Variants in HSPA4L observed in about 807,000 individuals in gnomAD.
HSPA4L encodes the protein heat shock protein family A (Hsp70) member 4 like.
Under a neutral mutation model 100.3 loss-of-function variants are expected in HSPA4L, and 48 were observed. The ratio of observed to expected loss-of-function variants is 0.48; its 90% CI spans 0.38 to 0.61. The LOEUF is 0.61. Ranked by LOEUF, HSPA4L falls within the 20% of genes least tolerant of loss-of-function variation. The pLI, the probability that HSPA4L is intolerant of heterozygous loss-of-function variation, is 0.00. For missense variants in HSPA4L, 886 were observed against 988.6 expected, an observed-to-expected ratio of 0.90 and a Z score of 1.39; for synonymous variants, 319 against 328.2, an observed-to-expected ratio of 0.97 and a Z score of 0.30.
intron 12 of HSPA4L, among the ~76,000 whole-genome samples, chr4:127,815,983 T>C (rs543015488): frequency 1.3e-5 from 2 of 152,292 alleles, no homozygotes; most frequent in East Asian, 1.9e-4. Context: ...GGCCTTCTTT[T>C]TCGTTGTTGT....
intron 11 of HSPA4L, among the ~76,000 whole-genome samples, chr4:127,810,937 G>A (rs936407512): frequency 2.6e-5 from 4 of 152,064 alleles, no homozygotes; most frequent in African/African-American, 9.7e-5. Flanking sequence ...TAAAACATCA[G>A]TAGATTTCTT....
intron 1 of HSPA4L, among the ~76,000 whole-genome samples, chr4:127,792,402 T>G (rs1005602494): frequency 6.6e-6 from 1 of 152,216 alleles, no homozygotes; most frequent in Non-Finnish European, 1.5e-5. Flanking sequence ...AGCTTTATTA[T>G]GTCCTTGAAA....
intron 1 of HSPA4L, chr4:127,783,753 C>A: frequency 7.5e-7 from 1 of 1,336,734 alleles, no homozygotes; most frequent in South Asian, 1.3e-5. Flanking sequence ...AAAACAAGGT[C>A]AGTGTCCAAT....
chr4:127,808,173 A>C (rs755747809), intron 11 of HSPA4L, 44 bp downstream of exon 11: 19 of 1,488,770 alleles, frequency 1.3e-5, no homozygotes, highest in Non-Finnish European at 1.7e-5. Context: ...GCCTTTTATA[A>C]ATAATGTGTT....
chr4:127,788,788 A>G (rs959837716), intron 1 of HSPA4L, among the ~76,000 whole-genome samples: 3 of 152,230 alleles, frequency 2.0e-5, no homozygotes, highest in Non-Finnish European at 4.4e-5. Flanking sequence ...GTACAGCCCC[A>G]GTGACCCAAC....
At chr4:127,798,742 A>G (rs1733093422) in intron 4 of HSPA4L, 33 bp downstream of exon 4, 1 of 1,601,974 alleles carries the variant, frequency 6.2e-7, no homozygotes, top group Admixed American at 1.7e-5. Flanking sequence ...ATACCCTTGA[A>G]TTATATTTTA....
intron 5 of HSPA4L, 72 bp downstream of exon 5, chr4:127,801,309 G>A (rs1733170535): frequency 1.7e-6 from 2 of 1,154,028 alleles, no homozygotes; most frequent in Admixed American, 2.4e-5. Context: ...TATTAACAAA[G>A]CATTATTTTT....
chr4:127,828,773 C>T (rs1734009909), intron 17 of HSPA4L, among the ~76,000 whole-genome samples: 1 of 152,034 alleles, frequency 6.6e-6, no homozygotes, highest in Non-Finnish European at 1.5e-5. Flanking sequence ...GAAGAAACAA[C>T]CCAATGAAAA....
intron 12 of HSPA4L, among the ~76,000 whole-genome samples, chr4:127,816,960 T>C (rs939621898): frequency 1.3e-5 from 2 of 152,230 alleles, no homozygotes; most frequent in Non-Finnish European, 2.9e-5. Context: ...ATACAAAAAT[T>C]AGAGTTAATA....
intron 11 of HSPA4L, among the ~76,000 whole-genome samples, chr4:127,810,131 A>G (rs1375263927): frequency 1.3e-5 from 2 of 152,208 alleles, no homozygotes; most frequent in African/African-American, 2.4e-5. Context: ...AAATGCAATT[A>G]AAAATAATAG....
chr4:127,821,644 C>A (rs1286078861), intron 14 of HSPA4L, among the ~76,000 whole-genome samples: 1 of 152,080 alleles, frequency 6.6e-6, no homozygotes, highest in African/African-American at 2.4e-5. Flanking sequence ...TCAGAGAATA[C>A]CCTTTGGATT....
chr4:127,826,752 C>T (rs1733960088), intron 16 of HSPA4L, among the ~76,000 whole-genome samples: 1 of 152,088 alleles, frequency 6.6e-6, no homozygotes, highest in Admixed American at 6.5e-5. Context: ...ATGTGCTCCC[C>T]TTCCCAAAAC....
intron 1 of HSPA4L, among the ~76,000 whole-genome samples, chr4:127,785,418 T>C (rs1200162373): frequency 6.6e-6 from 1 of 152,136 alleles, no homozygotes; most frequent in East Asian, 1.9e-4. Context: ...ATTTACTTTA[T>C]GTTTAGTAAC....
intron 1 of HSPA4L, among the ~76,000 whole-genome samples, chr4:127,786,896 C>T (rs1190936496): frequency 6.6e-6 from 1 of 152,162 alleles, no homozygotes. Context: ...CAATAAACTA[C>T]TATTAATAAT....
chr4:127,781,875 T>C (rs927306110), upstream of HSPA4L: 3 of 330,318 alleles, frequency 9.1e-6, no homozygotes, highest in Non-Finnish European at 1.9e-5. Flanking sequence ...GGGCAGGGGG[T>C]GAGGGGGCGG....
chr4:127,830,339 AAATTCCATTTC>A (rs1182057576), intron 17 of HSPA4L, among the ~76,000 whole-genome samples: 4 of 152,156 alleles, frequency 2.6e-5, no homozygotes, highest in Non-Finnish European at 4.4e-5. Flanking sequence ...TCTCCTTTAC[AAATTCCATTTC>A]CTTGCAACTT....
At chr4:127,783,705 G>T (rs1732633936) in intron 1 of HSPA4L, 1 of 1,524,678 alleles carries the variant, frequency 6.6e-7, no homozygotes, top group Non-Finnish European at 8.8e-7. Context: ...TAATTTGACC[G>T]TTCTGAATGG....
At chr4:127,809,141 A>G in intron 11 of HSPA4L, 1 of 750,490 alleles carries the variant, frequency 1.3e-6, no homozygotes, top group Non-Finnish European at 2.4e-6. Flanking sequence ...ACCATTTGCC[A>G]CTGCACATAA....
Position 127,782,337 on chromosome 4 carries a change from A to G in HSPA4L, c.-214A>G, listed in dbSNP as rs1732579168. On this transcript the variant is annotated 5_prime_UTR_variant, in exon 1 of 19. Transcript: ENST00000296464. ...GCCGAACCGCAGTAGGGAAAGACCC[A>G]GGCTGCGGGACGCGGTGCAGGCTGC... The G allele has an allele frequency of 3.6e-6, 2 of 548,688 alleles. No homozygotes were observed. Among genetic ancestry groups the G allele is most frequent in the Non-Finnish European group, 6.5e-6 (2 of 306,702 alleles). 34.0% of individuals were successfully genotyped at this position (548,688 alleles called of 1,614,324 possible).
Sources: gnomAD v4.1 joint callset for allele counts (sites outside exome capture counted in the v4.1 genomes callset) on GRCh38, gnomAD v4.1.1 for gene constraint, MANE v1.5 for transcripts, NCBI Gene and HGNC (gene_info 2026-07-23, HGNC 2026-07-21) for gene names.